GRIK4: variants seen among roughly 807,000 people sequenced by gnomAD.
The protein encoded by GRIK4 is glutamate receptor ionotropic, kainate 4.
In GRIK4, 40 loss-of-function variants were observed where a neutral mutation model predicts 104.9. The observed-to-expected ratio is 0.38, with a 90% CI of 0.30 to 0.50. The LOEUF (loss-of-function observed/expected upper bound fraction) is 0.50. Ranked by LOEUF, GRIK4 falls within the 20% of genes least tolerant of loss-of-function variation. GRIK4 has a pLI of 0.93. For missense variants in GRIK4, 1,047 were observed against 1,308.1 expected (o/e 0.80, Z 3.08); for synonymous variants, 485 against 524.9 (o/e 0.92, Z 1.04).
intron 3 of GRIK4, among the ~76,000 whole-genome samples, chr11:120,768,118 A>T (rs1565340956): frequency 6.6e-6 from 1 of 150,996 alleles, no homozygotes; most frequent in Non-Finnish European, 1.5e-5. Flanking sequence ...TAGGGGCTTT[A>T]TTAAACCTAT....
intron 3 of GRIK4, among the ~76,000 whole-genome samples, chr11:120,726,646 A>G (rs1001925368): frequency 1.3e-5 from 2 of 152,098 alleles, no homozygotes; most frequent in African/African-American, 4.8e-5. Context: ...ATTAATAGAG[A>G]TGGTATATTT....
At position 120,734,897 on chromosome 11, in the gene GRIK4, T is replaced by C. The variant is rs999123920; in HGVS notation, c.83-67796T>C. The stretch of plus-strand genomic sequence containing the variant: ...GCCTGGACTCAGGGACCCCAAGAAG[T>C]ATATAATTCCTGCTTGATTCTTTTT... On this transcript the variant is annotated intron_variant, in intron 3 of 20. Transcript: ENST00000527524. 3.9e-5 allele frequency among the ~76,000 whole-genome samples: 6 copies of C among 152,184 alleles called. No homozygotes were observed. In the East Asian group the frequency reaches 1.2e-3, roughly 29 times the overall value.
intron 14 of GRIK4, among the ~76,000 whole-genome samples, chr11:120,949,691 A>T (rs1168380214): frequency 6.6e-6 from 1 of 152,214 alleles, no homozygotes; most frequent in Non-Finnish European, 1.5e-5. Context: ...GTAAATAAAG[A>T]TGCGAAGATG....
chr11:120,722,329 G>A (rs936191902), intron 3 of GRIK4, among the ~76,000 whole-genome samples: 5 of 152,236 alleles, frequency 3.3e-5, no homozygotes, highest in Admixed American at 2.0e-4. Context: ...GGATCAGAAA[G>A]ATTTTGGGGC....
chr11:120,610,874 A>G (rs1214526309), intron 1 of GRIK4, among the ~76,000 whole-genome samples: 3 of 152,182 alleles, frequency 2.0e-5, no homozygotes, highest in Non-Finnish European at 4.4e-5. Flanking sequence ...GGGTGCAAGC[A>G]AAACATGTTG....
At chr11:120,564,275 G>A (rs1451862197) in intron 1 of GRIK4, among the ~76,000 whole-genome samples, 1 of 152,236 alleles carries the variant, frequency 6.6e-6, no homozygotes, top group African/African-American at 2.4e-5. Context: ...TGAAGCGCCG[G>A]AGCGCAGCTT....
At chr11:120,580,467 G>A (rs915828053) in intron 1 of GRIK4, among the ~76,000 whole-genome samples, 1 of 151,864 alleles carries the variant, frequency 6.6e-6, no homozygotes, top group African/African-American at 2.4e-5. Context: ...GTAGAAACAG[G>A]GTTTCTCCAT....
intron 18 of GRIK4, among the ~76,000 whole-genome samples, chr11:120,963,818 T>C (rs1944334469): frequency 1.3e-5 from 2 of 152,118 alleles, no homozygotes; most frequent in African/African-American, 4.8e-5. Context: ...AGTTATCTAA[T>C]TCATAAAATT....
intron 8 of GRIK4, among the ~76,000 whole-genome samples, chr11:120,842,707 T>C (rs1336801233): frequency 1.3e-5 from 2 of 152,246 alleles, no homozygotes; most frequent in African/African-American, 4.8e-5. Context: ...GCACTGTGCT[T>C]ATTCGGCTCT....
chr11:120,738,917 G>C (rs1032120376), intron 3 of GRIK4, among the ~76,000 whole-genome samples: 1 of 152,258 alleles, frequency 6.6e-6, no homozygotes, highest in Non-Finnish European at 1.5e-5. Context: ...TGGAGACGCA[G>C]CCGGTAGGGA....
chr11:120,960,639 T>A (rs901863518), intron 16 of GRIK4, among the ~76,000 whole-genome samples: 1 of 152,244 alleles, frequency 6.6e-6, no homozygotes, highest in Admixed American at 6.5e-5. Flanking sequence ...GTGCATGGAC[T>A]ACACCTCTTT....
At chr11:120,740,250 G>A (rs1388817916) in intron 3 of GRIK4, among the ~76,000 whole-genome samples, 1 of 152,216 alleles carries the variant, frequency 6.6e-6, no homozygotes, top group Non-Finnish European at 1.5e-5. Context: ...CATAGCATGG[G>A]GTTGTAGTTA....
At chr11:120,581,312 C>T (rs1263074199) in intron 1 of GRIK4, among the ~76,000 whole-genome samples, 1 of 152,224 alleles carries the variant, frequency 6.6e-6, no homozygotes, top group Non-Finnish European at 1.5e-5. Context: ...GACACAGACA[C>T]TTCCTTTACT....
At chr11:120,759,414 G>C (rs1951707046) in intron 3 of GRIK4, among the ~76,000 whole-genome samples, 1 of 152,156 alleles carries the variant, frequency 6.6e-6, no homozygotes, top group African/African-American at 2.4e-5. Context: ...TCACTCCACT[G>C]TCCACAGCCT....
intron 1 of GRIK4, among the ~76,000 whole-genome samples, chr11:120,572,676 G>T (rs1948416679): frequency 6.6e-6 from 1 of 152,176 alleles, no homozygotes; most frequent in African/African-American, 2.4e-5. Flanking sequence ...CATGCCAGAA[G>T]TCATGCATAA....
chr11:120,594,436 C>T (rs1289490020), intron 1 of GRIK4, among the ~76,000 whole-genome samples: 6 of 152,146 alleles, frequency 3.9e-5, no homozygotes, highest in Non-Finnish European at 5.9e-5. Flanking sequence ...GTGTTTGCAC[C>T]GTTGCACTTC....
intron 1 of GRIK4, among the ~76,000 whole-genome samples, chr11:120,627,099 G>A (rs1386031046): frequency 6.6e-6 from 1 of 152,200 alleles, no homozygotes; most frequent in African/African-American, 2.4e-5. Context: ...TGTGTCTGGG[G>A]TTGCACAGCT....
intron 1 of GRIK4, among the ~76,000 whole-genome samples, chr11:120,527,085 C>T (rs934175529): frequency 6.6e-6 from 1 of 152,238 alleles, no homozygotes; most frequent in Non-Finnish European, 1.5e-5. Context: ...ACACAGCCAG[C>T]CCGTGGCAGA....
At chr11:120,703,739 A>G (rs558732088) in intron 3 of GRIK4, among the ~76,000 whole-genome samples, 91 of 152,164 alleles carry the variant, frequency 6.0e-4, no homozygotes, top group African/African-American at 2.1e-3. Flanking sequence ...GGACACTTAG[A>G]TTGTACCTAT....
Sources: gnomAD v4.1 joint callset for allele counts (sites outside exome capture counted in the v4.1 genomes callset) on GRCh38, gnomAD v4.1.1 for gene constraint, MANE v1.5 for transcripts, NCBI Gene and HGNC (gene_info 2026-07-23, HGNC 2026-07-21) for gene names.